The following SEZ6L2 variants were observed in gnomAD, a reference collection of about 807,000 sequenced individuals.
SEZ6L2 encodes seizure 6-like protein 2.
A neutral mutation model predicts 97.0 loss-of-function variants in SEZ6L2; 44 were observed. The ratio of observed to expected loss-of-function variants is 0.45; its 90% CI spans 0.36 to 0.58. The LOEUF (loss-of-function observed/expected upper bound fraction) is 0.58, where lower values mean the gene tolerates loss of function less well. Among genes scored for constraint, SEZ6L2 ranks in the 20% least tolerant of loss-of-function variants. The pLI, the probability that SEZ6L2 is intolerant of heterozygous loss-of-function variation, is 0.00. For missense variants in SEZ6L2, 1,086 were observed against 1,233.3 expected (o/e 0.88, Z 1.79); for synonymous variants, 543 against 546.1 (o/e 0.99, Z 0.08).
chr16:29,888,853 C>T (rs1596983305), intron 5 of SEZ6L2, 128 bp from the exon 6 acceptor site: 6 of 768,774 alleles, frequency 7.8e-6, no homozygotes, highest in Non-Finnish European at 1.2e-5. Context: ...TCCATACTGG[C>T]GTACATACCG....
chr16:29,893,613 A>G (rs1470384223), intron 5 of SEZ6L2, among the ~76,000 whole-genome samples: 2 of 149,412 alleles, frequency 1.3e-5, no homozygotes, highest in African/African-American at 4.9e-5. Flanking sequence ...TCACCACTGC[A>G]CTCCAGCCTG....
At chr16:29,895,226 C>A in intron 5 of SEZ6L2, 33 bp downstream of exon 5, 10 of 1,441,298 alleles carry the variant, frequency 6.9e-6, no homozygotes, top group Non-Finnish European at 9.8e-6. Context: ...AGTATGGCCC[C>A]TGCCCTTCCA....
At chr16:29,874,550 G>GGTTT (rs2067858857) in intron 12 of SEZ6L2, among the ~76,000 whole-genome samples, 6 of 32,526 alleles carry the variant, frequency 1.8e-4, no homozygotes, top group Non-Finnish European at 2.8e-4. Flanking sequence ...GTGTGTGCTT[G>GGTTT]TTTTTTTTTT....
chr16:29,880,049 C>T lies in SEZ6L2; in HGVS notation c.1388G>A (p.Arg463His), dbSNP rs937049307. The change falls in exon 9 of 18, where the codon CGC (arginine) becomes CAC (histidine). Residue 463 changes from arginine to histidine, a missense_variant. Transcript: ENST00000617533. ...SLRFEAFEED[R>H]CFAPFLAHGN... Reference sequence around the variant, plus strand: ...ATGTGCCAGGAAGGGGGCGAAGCAGCGATCCTCCTCAAAGGCTGGGAAGGA... The same window carrying T: ...ATGTGCCAGGAAGGGGGCGAAGCAGTGATCCTCCTCAAAGGCTGGGAAGGA... 18 of 1,614,106 alleles carry T rather than the reference C, an allele frequency of 1.1e-5. No homozygotes were observed. The highest frequency in any genetic ancestry group is 3.3e-4 in the Middle Eastern group (2 of 6,060).
chr16:29,885,466 G>A (rs577435726), intron 8 of SEZ6L2, 120 bp downstream of exon 8: 5 of 1,114,624 alleles, frequency 4.5e-6, no homozygotes, highest in South Asian at 1.5e-5. Context: ...AGCGAGTCAC[G>A]TTTCAAGGAA....
chr16:29,877,324 G>C lies in SEZ6L2; in HGVS notation c.1856C>G (p.Pro619Arg). ...CAGGCCTGGATTTGGGGGCCCGGGC[G>C]GTGCCTGAAACTGCAGTGTGAGGTC... ...GPDLTLQFQA[P>R]PGPPNPGLGQ... The change falls in exon 11 of 18, where the codon CCG becomes CGG. Residue 619 changes from proline (P) to arginine (R), a missense_variant. Pro to Arg is a moderately radical substitution (Grantham distance 103, BLOSUM62 -2). Around this residue, in one of 2 missense-constraint regions of SEZ6L2, gnomAD observed 310 missense variants for 438.6 expected, o/e 0.71. Transcript: ENST00000617533. The C allele has an allele frequency of 6.2e-7, 1 of 1,612,436 alleles. No homozygotes were observed. Among genetic ancestry groups the C allele is most frequent in the East Asian group, 2.2e-5 (1 of 44,812 alleles).
chr16:29,894,799 G>A (rs970488645), intron 5 of SEZ6L2, among the ~76,000 whole-genome samples: 1 of 152,024 alleles, frequency 6.6e-6, no homozygotes, highest in African/African-American at 2.4e-5. Context: ...GTATGCATGG[G>A]TCTCCTCTGA....
chr16:29,889,015 A>G (rs1257711950), intron 5 of SEZ6L2, among the ~76,000 whole-genome samples: 1 of 152,020 alleles, frequency 6.6e-6, no homozygotes, highest in East Asian at 1.9e-4. Context: ...GGACCCCGCT[A>G]CTCATTTGTT....
chr16:29,887,234 C>T (rs981079209), intron 7 of SEZ6L2, among the ~76,000 whole-genome samples: 1 of 148,814 alleles, frequency 6.7e-6, no homozygotes, highest in African/African-American at 2.5e-5. Context: ...TGATGCATAT[C>T]TCAACCAGGA....
intron 2 of SEZ6L2, among the ~76,000 whole-genome samples, chr16:29,897,474 A>G (rs750649874): frequency 6.7e-6 from 1 of 150,294 alleles, no homozygotes; most frequent in Non-Finnish European, 1.5e-5. Flanking sequence ...TTATTTCCCC[A>G]TTTCCCTGTT....
rs957629160 is a variant in SEZ6L2 at position 29,873,148 on chromosome 16, C to T, written c.2488+92G>A. 1.3e-5 allele frequency: 18 copies of T among 1,394,624 alleles called. No homozygotes were observed. Among genetic ancestry groups the T allele is most frequent in the Middle Eastern group, 4.0e-4 (2 of 4,996 alleles). The allele number at this position is 1,394,624 out of a possible 1,614,324, so 86.4% of individuals were successfully genotyped here. ...AGGAGAACCGGGAGCTCTGTGGGGT[C>T]GCCCATTGGTCTCAAATGTGCTACC... is the stretch of plus-strand genomic sequence containing the variant. On this transcript the variant is annotated intron_variant, in intron 14 of 17. Transcript: ENST00000617533. The surrounding 1 kb of genome is among the most constrained non-coding windows in gnomAD (Gnocchi z 4.3).
chr16:29,897,102 C>T lies in SEZ6L2; in HGVS notation c.231G>A (p.Thr77=), dbSNP rs192429917. 27 of 1,576,560 alleles carry T rather than the reference C, an allele frequency of 1.7e-5. No individual in the cohort carries two copies. The highest frequency in any genetic ancestry group is 2.1e-5 in the Non-Finnish European group (25 of 1,168,734). The change falls in exon 3 of 18, where the codon ACG becomes ACA. Residue 77 remains threonine, a synonymous_variant. Transcript: ENST00000617533. The stretch of plus-strand genomic sequence containing the variant: ...TCTGGCCGGCCGGAGGGGTGGCTAG[C>T]GTGGGGTCCCGATCAGATCCTGGGA... ...GYLPGSDRDP[T]LATPPAGQTL...
intron 7 of SEZ6L2, chr16:29,885,974 A>G (rs1212354991): frequency 1.9e-5 from 8 of 422,656 alleles, no homozygotes; most frequent in Non-Finnish European, 2.9e-5. Flanking sequence ...ATTAGGGCAT[A>G]GAAAGATCAA....
At chr16:29,892,967 T>C (rs1350701329) in intron 5 of SEZ6L2, among the ~76,000 whole-genome samples, 1 of 152,172 alleles carries the variant, frequency 6.6e-6, no homozygotes, top group Non-Finnish European at 1.5e-5. Context: ...ACAGCCCCCC[T>C]TTCCTGCCCC....
rs374000582 is a variant in SEZ6L2, at chr16:29,893,114, C to T, written c.853+2145G>A. ...TCAAGGCAGGAGGATTTCCTGAGGT[C>T]GGGAGTTCGAGACCAGCCTGACCAA... On this transcript the variant is annotated intron_variant, in intron 5 of 17. Coordinates refer to ENST00000617533, the MANE Select transcript of SEZ6L2 (RefSeq NM_001243332.2). Among the ~76,000 whole-genome samples, 6 of 152,122 alleles carry T rather than the reference C, an allele frequency of 3.9e-5. No homozygotes were observed. The South Asian group carries it at 8.3e-4, about 21-fold the overall frequency.
At chr16:29,879,198 C>T (rs530201269) in intron 9 of SEZ6L2, among the ~76,000 whole-genome samples, 11 of 151,312 alleles carry the variant, frequency 7.3e-5, no homozygotes, top group East Asian at 3.9e-4. Flanking sequence ...ACACTGCTCC[C>T]GGCTTTATCC....
Position 29,871,456 on chromosome 16 carries a change from G to C in SEZ6L2, c.*243C>G. The stretch of plus-strand genomic sequence containing the variant: ...AGAGTTCCCCTCCCAGAATCCAAAA[G>C]CCGGTAGGGCGGGGGGCAGGCCCCT... On this transcript the variant is annotated 3_prime_UTR_variant, in exon 18 of 18. Coordinates refer to ENST00000617533, the MANE Select transcript of SEZ6L2 (RefSeq NM_001243332.2). 1.7e-6 allele frequency: 1 copy of C among 587,972 alleles called. No homozygotes were observed. Among genetic ancestry groups the C allele is most frequent in the Non-Finnish European group, 3.0e-6 (1 of 329,512 alleles). The allele number at this position is 587,972 out of a possible 1,614,324, so 36.4% of individuals were successfully genotyped here. A position where few individuals can be genotyped will look rare whatever the true frequency, so the allele number is the denominator to read the frequency against.
chr16:29,898,482 C>A (rs1184063134), intron 1 of SEZ6L2, among the ~76,000 whole-genome samples: 2 of 152,098 alleles, frequency 1.3e-5, no homozygotes, highest in African/African-American at 4.8e-5. Context: ...CCTCTGCAGT[C>A]TCTGCCTCCT....
chr16:29,877,799 A>G (rs2150785105), intron 10 of SEZ6L2, among the ~76,000 whole-genome samples: 1 of 152,248 alleles, frequency 6.6e-6, no homozygotes, highest in African/African-American at 2.4e-5. Flanking sequence ...CCAATCACAG[A>G]CCAAATTCGC....
Sources: gnomAD v4.1 joint callset for allele counts (sites outside exome capture counted in the v4.1 genomes callset) on GRCh38, gnomAD v4.1.1 for gene constraint, gnomAD v4.1.1 regional missense constraint, Gnocchi (gnomAD v3.1) non-coding constraint, MANE v1.5 for transcripts, NCBI Gene and HGNC (gene_info 2026-07-23, HGNC 2026-07-21) for gene names.